CSPG5: variants seen among roughly 807,000 people sequenced by gnomAD.
The protein encoded by CSPG5 is acidic leucine-rich EGF-like domain-containing brain protein.
Under a neutral mutation model 39.8 loss-of-function variants are expected in CSPG5, and 25 were observed. The ratio of observed to expected loss-of-function variants is 0.63; its 90% CI spans 0.46 to 0.88. The LOEUF (loss-of-function observed/expected upper bound fraction) is 0.88, where lower values mean the gene tolerates loss of function less well. CSPG5 is among the 40% of genes least tolerant of loss of function. The pLI is 0.00. For synonymous variants in CSPG5, 295 were observed against 303.9 expected (o/e 0.97, Z 0.31); for missense variants, 627 against 702.2 (o/e 0.89, Z 1.21).
chr3:47,574,429 C>T (rs112667794), intron 2 of CSPG5, among the ~76,000 whole-genome samples: 23 of 152,248 alleles, frequency 1.5e-4, no homozygotes, highest in African/African-American at 5.1e-4. Context: ...CACTATAGTC[C>T]CCCAAACTGA....
At position 47,576,841 on chromosome 3, in the gene CSPG5, G is replaced by A. The variant is rs192338245; in HGVS notation, c.1185C>T (p.Ala395=). ...GQCYLVENIG[A]FCRCNTQDYI... ...GCCTGCCATGCCCTTACCTGCAGAA[G>A]GCCCCTATGTTCTCCACCAGGTAGC... Residue 395 remains alanine (A), a synonymous_variant, in exon 2 of 5, where the codon GCC becomes GCT. Transcript: ENST00000264723. The A allele has an allele frequency of 6.4e-7, 1 of 1,550,914 alleles. No individual in the cohort carries two copies. Among genetic ancestry groups the A allele is most frequent in the East Asian group, 2.3e-5 (1 of 44,272 alleles).
rs759554006 is a variant in CSPG5, at chr3:47,572,907, G to A, written c.1194-33C>T. The A allele has an allele frequency of 1.9e-6, 3 of 1,590,018 alleles. No homozygotes were observed. The highest frequency in any genetic ancestry group is 3.4e-5 in the Admixed American group (2 of 57,996). ...AGCGACATTGAGAAACCGTGGCGAT[G>A]GAGCAGGCAGCCACGGCCACAGTAA... On this transcript the variant is annotated intron_variant, in intron 2 of 4. Transcript: ENST00000264723. This position sits in a 1 kb window ranked among gnomAD's most constrained non-coding sequence, Gnocchi z 4.5.
chr3:47,567,513 T>A (rs890002783), intron 4 of CSPG5, among the ~76,000 whole-genome samples: 2 of 152,234 alleles, frequency 1.3e-5, no homozygotes, highest in Admixed American at 6.5e-5. Context: ...ACAAACCAAG[T>A]GAAATAATCT....
At chr3:47,573,017 A>G in intron 2 of CSPG5, 143 bp from the exon 3 acceptor site, 2 of 647,560 alleles carry the variant, frequency 3.1e-6, no homozygotes, top group Non-Finnish European at 5.2e-6. Context: ...GAATCTGCAC[A>G]GACCTCAGAG....
At chr3:47,573,889 G>A (rs745758615) in intron 2 of CSPG5, among the ~76,000 whole-genome samples, 18 of 152,224 alleles carry the variant, frequency 1.2e-4, no homozygotes, top group Admixed American at 3.3e-4. Context: ...CCCTGTAAGT[G>A]GGGCCTCTAC....
Position 47,577,123 on chromosome 3 carries a change from T to C in CSPG5, c.903A>G (p.Leu301=). The C allele has an allele frequency of 1.2e-6, 2 of 1,613,986 alleles. No individual in the cohort carries two copies. Among genetic ancestry groups the C allele is most frequent in the African/African-American group, 2.7e-5 (2 of 75,066 alleles). The change falls in exon 2 of 5, where the codon CTA becomes CTG. Residue 301 remains leucine, a synonymous_variant. Transcript: ENST00000264723. This position sits in a 1 kb window ranked among gnomAD's most constrained non-coding sequence, Gnocchi z 4.7. ...CCAGACCAGGCTTCCCAGTGGGCAC[T>C]AGAAGCTCATTTTCATCTTCTAGGT... The part of the protein sequence containing the change: ...GGDLEDENEL[L]VPTGKPGLGP...
At position 47,573,011 on chromosome 3, in the gene CSPG5, C is replaced by G. The variant is rs932727928; in HGVS notation, c.1194-137G>C. The G allele has an allele frequency of 6.0e-6, 4 of 662,120 alleles. No individual in the cohort carries two copies. The Admixed American group carries it at 9.0e-5, about 15-fold the overall frequency. 41.0% of individuals were successfully genotyped at this position (662,120 alleles called of 1,614,324 possible). ...CTAGAGGAACTGCAATGCTCCGAATCTGCACAGACCTCAGAGCTGGTGTGA... is the reference window on the plus strand; with the variant it reads ...CTAGAGGAACTGCAATGCTCCGAATGTGCACAGACCTCAGAGCTGGTGTGA... On this transcript the variant is annotated intron_variant, in intron 2 of 4. Coordinates refer to ENST00000264723, the MANE Select transcript of CSPG5 (RefSeq NM_006574.4).
chr3:47,566,453 T>A (rs2031304546), intron 4 of CSPG5, among the ~76,000 whole-genome samples: 1 of 152,162 alleles, frequency 6.6e-6, no homozygotes, highest in Non-Finnish European at 1.5e-5. Context: ...GGCAACCGTG[T>A]TCATCGGCAA....
At position 47,569,231 on chromosome 3, in the gene CSPG5, G is replaced by A. The variant is rs1437818726; in HGVS notation, c.1383-4C>T. ...CTCAGATGGGGTCCGGAATTTGCTGGTTAGGAGAGAAGAGTGAAGGAAACA... is the reference window on the plus strand; with the variant it reads ...CTCAGATGGGGTCCGGAATTTGCTGATTAGGAGAGAAGAGTGAAGGAAACA... On this transcript the variant is annotated splice_polypyrimidine_tract_variant and splice_region_variant and intron_variant, in intron 3 of 4. Coordinates refer to ENST00000264723, the MANE Select transcript of CSPG5 (RefSeq NM_006574.4). 5 of 1,613,348 alleles carry A rather than the reference G, an allele frequency of 3.1e-6. No homozygotes were observed. In the African/African-American group the frequency reaches 6.7e-5, roughly 22 times the overall value.
In CSPG5 at chr3:47,577,353, G is replaced by C; in HGVS notation, c.673C>G (p.Leu225Val). 1 of 1,614,120 alleles carries C rather than the reference G, an allele frequency of 6.2e-7. No individual in the cohort carries two copies. Among genetic ancestry groups the C allele is most frequent in the East Asian group, 2.2e-5 (1 of 44,876 alleles). Residue 225 changes from leucine (L) to valine (V), a missense_variant, in exon 2 of 5, where the codon CTG becomes GTG. Transcript: ENST00000264723. This position sits in a 1 kb window ranked among gnomAD's most constrained non-coding sequence, Gnocchi z 4.7. ...CCTGGTGACCCTGGGAAGCTCCCCA[G>C]ATCTGCGCCACGACCCTCACCATCC... ...GLDGEGRGADLGSFPGSPGTS... is the reference protein window; with the variant it reads ...GLDGEGRGADVGSFPGSPGTS...
At chr3:47,566,061 C>T (rs1298608348) in intron 4 of CSPG5, among the ~76,000 whole-genome samples, 1 of 152,160 alleles carries the variant, frequency 6.6e-6, no homozygotes, top group East Asian at 1.9e-4. Context: ...CAGATACCAG[C>T]CACTGACCCT....
intron 4 of CSPG5, among the ~76,000 whole-genome samples, chr3:47,562,980 T>A (rs1458549477): frequency 6.6e-6 from 1 of 152,194 alleles, no homozygotes; most frequent in Admixed American, 6.5e-5. Flanking sequence ...AACTTGACAG[T>A]AATCAGTTTA....
chr3:47,566,343 C>T (rs1055227190), intron 4 of CSPG5, among the ~76,000 whole-genome samples: 1 of 152,178 alleles, frequency 6.6e-6, no homozygotes, highest in African/African-American at 2.4e-5. Context: ...CCTCCCGTAT[C>T]ATCTGGAGGA....
chr3:47,571,149 T>C (rs969748657), intron 3 of CSPG5, among the ~76,000 whole-genome samples: 1 of 149,160 alleles, frequency 6.7e-6, no homozygotes, highest in African/African-American at 2.5e-5. Context: ...ATTTCAGAGA[T>C]GTTAATATGT....
In CSPG5 at chr3:47,577,010, A is replaced by T; in HGVS notation, c.1016T>A (p.Leu339His). 1 of 1,613,208 alleles carries T rather than the reference A, an allele frequency of 6.2e-7. No individual in the cohort carries two copies. Among genetic ancestry groups the T allele is most frequent in the Non-Finnish European group, 8.5e-7 (1 of 1,179,568 alleles). ...GCCTGGCTCTCCTGGGCGGGGCCTGAGGGCGATGCTGCTGCCGGGGACCGA... is the reference window on the plus strand; with the variant it reads ...GCCTGGCTCTCCTGGGCGGGGCCTGTGGGCGATGCTGCTGCCGGGGACCGA... ...LGSVPGSSIALRPRPGEPGRD... is the reference protein window; with the variant it reads ...LGSVPGSSIAHRPRPGEPGRD... Residue 339 changes from leucine to histidine, a missense_variant, in exon 2 of 5, where the codon CTC (leucine) becomes CAC (histidine). By Grantham distance (99) the Leu-to-His change is moderately conservative. Transcript: ENST00000264723. The surrounding 1 kb of genome is among the most constrained non-coding windows in gnomAD (Gnocchi z 4.7).
At chr3:47,563,594 G>A (rs1319619130) in intron 4 of CSPG5, among the ~76,000 whole-genome samples, 2 of 152,042 alleles carry the variant, frequency 1.3e-5, no homozygotes, top group Non-Finnish European at 1.5e-5. Context: ...TTGCTCTGTC[G>A]CCCAGGCCAG....
chr3:47,564,348 A>C (rs960925068), intron 4 of CSPG5, among the ~76,000 whole-genome samples: 1 of 152,190 alleles, frequency 6.6e-6, no homozygotes, highest in Non-Finnish European at 1.5e-5. Context: ...TCTTGTACAC[A>C]CAGGACACCG....
At chr3:47,565,425 G>A (rs555690149) in intron 4 of CSPG5, among the ~76,000 whole-genome samples, 1 of 152,148 alleles carries the variant, frequency 6.6e-6, no homozygotes, top group Non-Finnish European at 1.5e-5. Context: ...TCCACAGCAG[G>A]TCCAACTGCC....
intron 2 of CSPG5, among the ~76,000 whole-genome samples, chr3:47,575,944 T>C (rs1291179463): frequency 6.8e-6 from 1 of 146,778 alleles, no homozygotes; most frequent in Non-Finnish European, 1.5e-5. Context: ...TTTTTTTTTT[T>C]TTTTTTTTTT....
Sources: allele counts gnomAD v4.1 joint callset (sites outside exome capture counted in the v4.1 genomes callset), GRCh38; gene constraint gnomAD v4.1.1; non-coding constraint Gnocchi (gnomAD v3.1); transcripts MANE v1.5; gene names NCBI Gene and HGNC (gene_info 2026-07-23, HGNC 2026-07-21).